ANGPTL2: variants seen among roughly 807,000 people sequenced by gnomAD.
The protein encoded by ANGPTL2 is angiopoietin like 2, also known as angiopoietin-related protein 2.
Under a neutral mutation model 52.8 loss-of-function variants are expected in ANGPTL2, and 25 were observed. That is an observed-to-expected ratio of 0.47 (90% CI 0.35 to 0.66). ANGPTL2 has a LOEUF of 0.66. ANGPTL2 is among the 30% of genes least tolerant of loss of function. ANGPTL2 has a pLI of 0.01. For synonymous variants in ANGPTL2, 276 were observed against 277.4 expected (o/e 1.00, Z 0.05); for missense variants, 546 against 656.9 (o/e 0.83, Z 1.84).
intron 1 of ANGPTL2, among the ~76,000 whole-genome samples, chr9:127,109,311 A>G (rs1449031857): frequency 4.6e-5 from 7 of 152,248 alleles, no homozygotes; most frequent in Non-Finnish European, 1.5e-5. Context: ...CCATGAGGGC[A>G]TGTCGTCTGT....
At chr9:127,107,751 C>T (rs1484864087) in intron 2 of ANGPTL2, among the ~76,000 whole-genome samples, 164 bp downstream of exon 2, 1 of 152,200 alleles carries the variant, frequency 6.6e-6, no homozygotes, top group Non-Finnish European at 1.5e-5. Flanking sequence ...CACCCGTCAC[C>T]CTGCTGGCTC....
intron 3 of ANGPTL2, among the ~76,000 whole-genome samples, chr9:127,092,195 A>G (rs1442621087): frequency 1.3e-5 from 2 of 152,162 alleles, no homozygotes; most frequent in African/African-American, 2.4e-5. Flanking sequence ...GGGAGGCTAT[A>G]TTACCTTCCC....
chr9:127,109,973 A>C (rs1296115645), intron 1 of ANGPTL2, among the ~76,000 whole-genome samples: 1 of 152,240 alleles, frequency 6.6e-6, no homozygotes, highest in Admixed American at 6.5e-5. Context: ...TTGCTCCAGC[A>C]GTCCTCACCG....
chr9:127,113,438 A>C (rs1384904434), intron 1 of ANGPTL2, among the ~76,000 whole-genome samples: 1 of 149,846 alleles, frequency 6.7e-6, no homozygotes, highest in East Asian at 2.0e-4. Flanking sequence ...GGCAGTAATA[A>C]GTTTGTTTAC....
intron 2 of ANGPTL2, among the ~76,000 whole-genome samples, chr9:127,103,531 C>A (rs2053932816): frequency 6.6e-6 from 1 of 152,168 alleles, no homozygotes; most frequent in Non-Finnish European, 1.5e-5. Flanking sequence ...AGGATATGTC[C>A]AGATTTGATA....
chr9:127,095,466 T>G (rs2053019750), intron 2 of ANGPTL2, among the ~76,000 whole-genome samples: 1 of 152,236 alleles, frequency 6.6e-6, no homozygotes, highest in African/African-American at 2.4e-5. Context: ...GCTAAGAAAG[T>G]ACCATTGTAT....
At chr9:127,118,456 G>A (rs530714027) in intron 1 of ANGPTL2, among the ~76,000 whole-genome samples, 1 of 152,332 alleles carries the variant, frequency 6.6e-6, no homozygotes, top group South Asian at 2.1e-4. Flanking sequence ...TCAATGAATT[G>A]ATTCTTTCTT....
chr9:127,096,360 G>A (rs925322747), intron 2 of ANGPTL2, among the ~76,000 whole-genome samples: 14 of 152,246 alleles, frequency 9.2e-5, no homozygotes, highest in African/African-American at 3.4e-4. Context: ...AGGAGAGGCC[G>A]TTCGATGTGA....
At chr9:127,095,118 GC>G (rs1258571106) in intron 2 of ANGPTL2, among the ~76,000 whole-genome samples, 1 of 152,206 alleles carries the variant, frequency 6.6e-6, no homozygotes. Flanking sequence ...TCCTCATAGG[GC>G]CGGGCACGGT....
In ANGPTL2 at chr9:127,088,841, C is replaced by T; in HGVS notation, c.*98G>A. The T allele has an allele frequency of 7.1e-7, 1 of 1,413,034 alleles. No individual in the cohort carries two copies. Among genetic ancestry groups the T allele is most frequent in the Non-Finnish European group, 9.9e-7 (1 of 1,010,284 alleles). The allele number at this position is 1,413,034 out of a possible 1,614,324, so 87.5% of individuals were successfully genotyped here. ...TCCAGCATCCCGGTCCTCCCAGCCT[C>T]AGGATGAACTGGTGAGGAGTTGTTC... On this transcript the variant is annotated 3_prime_UTR_variant, in exon 5 of 5. Coordinates refer to ENST00000373425, the MANE Select transcript of ANGPTL2 (RefSeq NM_012098.3).
rs370515639 is a variant in ANGPTL2, at chr9:127,093,842, C to T, written c.902G>A (p.Arg301His). 7 of 1,613,996 alleles carry T rather than the reference C, an allele frequency of 4.3e-6. No homozygotes were observed. Among genetic ancestry groups the T allele is most frequent in the African/African-American group, 2.7e-5 (2 of 74,900 alleles). ...IYLVKPENTN[R>H]LMQVWCDQRH... ...CTGGTCGCACCACACCTGCATGAGG[C>T]GGTTGGTGTTCTCCGGCTTCACCAG... Residue 301 changes from arginine to histidine, a missense_variant, in exon 3 of 5, where the codon CGC (arginine) becomes CAC (histidine). Physicochemically the swap from Arg to His is conservative, Grantham distance 29. This residue lies in a region of ANGPTL2 where 261 missense variants were observed against 361.0 expected (regional missense o/e 0.72). Coordinates refer to ENST00000373425, the MANE Select transcript of ANGPTL2 (RefSeq NM_012098.3).
intron 4 of ANGPTL2, among the ~76,000 whole-genome samples, chr9:127,090,932 T>C (rs904204158): frequency 6.6e-5 from 10 of 152,210 alleles, no homozygotes; most frequent in Non-Finnish European, 1.5e-5. Context: ...TTCTGTTTTT[T>C]TCTCTTGTTT....
intron 1 of ANGPTL2, among the ~76,000 whole-genome samples, chr9:127,120,935 T>C (rs2056005138): frequency 6.6e-6 from 1 of 152,126 alleles, no homozygotes; most frequent in Non-Finnish European, 1.5e-5. Flanking sequence ...CAGGGTTTGC[T>C]GTGCACCAGG....
rs2052049009 is a variant in ANGPTL2 at position 127,088,554 on chromosome 9, CAT to C, written c.*383_*384del. 1.2e-5 allele frequency: 3 copies of C among 250,412 alleles called. No homozygotes were observed. The highest frequency in any genetic ancestry group is 2.3e-5 in the Non-Finnish European group (3 of 128,206). 15.5% of individuals were successfully genotyped at this position (250,412 alleles called of 1,614,324 possible). A position where few individuals can be genotyped will look rare whatever the true frequency, so the allele number is the denominator to read the frequency against. On this transcript the variant is annotated 3_prime_UTR_variant, in exon 5 of 5. Coordinates refer to ENST00000373425, the MANE Select transcript of ANGPTL2 (RefSeq NM_012098.3). ...CCTATATATGGATCTAGATATATCACATGTGATGTATATCTAAATGCATATAT... is the reference window on the plus strand; with the variant it reads ...CCTATATATGGATCTAGATATATCACGTGATGTATATCTAAATGCATATAT...
At chr9:127,099,612 G>A (rs891862467) in intron 2 of ANGPTL2, among the ~76,000 whole-genome samples, 3 of 152,238 alleles carry the variant, frequency 2.0e-5, no homozygotes, top group Non-Finnish European at 2.9e-5. Context: ...TGGCTACAGT[G>A]AGAAGCAGTT....
At chr9:127,119,180 C>G (rs891610643) in intron 1 of ANGPTL2, among the ~76,000 whole-genome samples, 1 of 152,142 alleles carries the variant, frequency 6.6e-6, no homozygotes, top group African/African-American at 2.4e-5. Context: ...TGTCACTGAC[C>G]ATATTACCAC....
At chr9:127,117,577 G>A (rs2055568978) in intron 1 of ANGPTL2, among the ~76,000 whole-genome samples, 1 of 152,202 alleles carries the variant, frequency 6.6e-6, no homozygotes, top group African/African-American at 2.4e-5. Context: ...GGGAAACTTG[G>A]GGGGCTGTGG....
At chr9:127,112,221 T>C (rs113347665) in intron 1 of ANGPTL2, among the ~76,000 whole-genome samples, 3,582 of 152,342 alleles carry the variant, frequency 0.024, 129 homozygotes, top group African/African-American at 0.082. Flanking sequence ...GAGGTGGGGC[T>C]GCAGTGACGT....
At chr9:127,100,620 G>A (rs2136797888) in intron 2 of ANGPTL2, among the ~76,000 whole-genome samples, 1 of 152,322 alleles carries the variant, frequency 6.6e-6, no homozygotes. Flanking sequence ...GGAGGTCTCT[G>A]ATGTAGAGGT....
Sources: allele counts gnomAD v4.1 joint callset (sites outside exome capture counted in the v4.1 genomes callset), GRCh38; gene constraint gnomAD v4.1.1; regional missense constraint gnomAD v4.1.1; transcripts MANE v1.5; gene names NCBI Gene and HGNC (gene_info 2026-07-23, HGNC 2026-07-21).